The following BBS9 variants were observed in gnomAD, a reference collection of about 807,000 sequenced individuals.
The protein encoded by BBS9 is protein PTHB1.
In BBS9, 89 loss-of-function variants were observed where a neutral mutation model predicts 117.7. The observed-to-expected ratio is 0.76, with a 90% CI of 0.64 to 0.90. The LOEUF is 0.90. BBS9 is among the 40% of genes least tolerant of loss of function. The probability of loss-of-function intolerance (pLI) is 0.00; values close to 1 mark genes in which losing one functional copy is unlikely to be tolerated. For synonymous variants in BBS9, 379 were observed against 370.9 expected (o/e 1.02, Z -0.25); for missense variants, 982 against 1,042.2 (o/e 0.94, Z 0.80).
Position 33,171,407 on chromosome 7 carries a change from A to G in BBS9, c.329-6071A>G, listed in dbSNP as rs75145242. 0.018 allele frequency among the ~76,000 whole-genome samples: 2,764 copies of G among 152,306 alleles called. 236 individuals are homozygous for G. The East Asian group carries it at 0.28, about 15-fold the overall frequency. On this transcript the variant is annotated intron_variant, in intron 4 of 22. Coordinates refer to ENST00000242067, the MANE Select transcript of BBS9 (RefSeq NM_198428.3). The stretch of plus-strand genomic sequence containing the variant: ...GGGAAAACTGGCTAGCCATATGTAG[A>G]AAGCTGAAACATATCTTGCTTTTGT...
intron 4 of BBS9, among the ~76,000 whole-genome samples, chr7:33,168,783 C>T (rs572053201): frequency 6.6e-6 from 1 of 152,078 alleles, no homozygotes; most frequent in South Asian, 2.1e-4. Flanking sequence ...TTTAACTTTC[C>T]TCATGAAAAG....
chr7:33,597,533 G>T (rs1326147185), intron 21 of BBS9, among the ~76,000 whole-genome samples: 1 of 152,058 alleles, frequency 6.6e-6, no homozygotes, highest in Admixed American at 6.6e-5. Flanking sequence ...TATTACAAAG[G>T]TCACTATTGC....
At chr7:33,215,579 A>G (rs1181584224) in intron 5 of BBS9, among the ~76,000 whole-genome samples, 3 of 152,192 alleles carry the variant, frequency 2.0e-5, no homozygotes, top group Non-Finnish European at 2.9e-5. Flanking sequence ...CTGGAGAAAC[A>G]TTTTGGGAGA....
intron 19 of BBS9, among the ~76,000 whole-genome samples, chr7:33,486,621 A>G (rs1843145721): frequency 1.3e-5 from 2 of 152,194 alleles, no homozygotes; most frequent in African/African-American, 2.4e-5. Flanking sequence ...TATTTCAGCA[A>G]TGAGAGATTT....
intron 10 of BBS9, among the ~76,000 whole-genome samples, chr7:33,340,378 C>A (rs1232224041): frequency 1.3e-5 from 2 of 152,064 alleles, no homozygotes; most frequent in Non-Finnish European, 2.9e-5. Flanking sequence ...GACTTTGGGA[C>A]ATTGCATAGT....
chr7:33,345,346 C>A (rs1357361513), intron 12 of BBS9, among the ~76,000 whole-genome samples: 1 of 152,060 alleles, frequency 6.6e-6, no homozygotes. Context: ...TTTATCATGC[C>A]CAGACCTTGG....
intron 19 of BBS9, among the ~76,000 whole-genome samples, chr7:33,440,780 C>T (rs114394069): frequency 1.3e-5 from 2 of 152,134 alleles, no homozygotes; most frequent in African/African-American, 4.8e-5. Context: ...GTAGCCCAAG[C>T]TCATATGAAG....
intron 19 of BBS9, among the ~76,000 whole-genome samples, chr7:33,389,934 G>A (rs1270975283): frequency 6.6e-6 from 1 of 152,046 alleles, no homozygotes; most frequent in East Asian, 1.9e-4. Context: ...CATAATGTAT[G>A]GAATTTACAA....
chr7:33,532,329 A>C (rs1374958193), intron 20 of BBS9, among the ~76,000 whole-genome samples: 1 of 152,244 alleles, frequency 6.6e-6, no homozygotes, highest in African/African-American at 2.4e-5. Context: ...CTTAAATGCC[A>C]GTCTGACCAT....
At chr7:33,321,794 C>G (rs1327860437) in intron 9 of BBS9, among the ~76,000 whole-genome samples, 1 of 151,966 alleles carries the variant, frequency 6.6e-6, no homozygotes, top group Non-Finnish European at 1.5e-5. Context: ...TTGTCATGTT[C>G]CAGATCTTAG....
chr7:33,368,032 G>T (rs1822127183), intron 17 of BBS9, among the ~76,000 whole-genome samples, 170 bp downstream of exon 17: 1 of 152,182 alleles, frequency 6.6e-6, no homozygotes, highest in African/African-American at 2.4e-5. Context: ...AGTGAGGATT[G>T]TGTTTTATTA....
At chr7:33,438,160 C>A (rs1379543643) in intron 19 of BBS9, among the ~76,000 whole-genome samples, 4 of 152,100 alleles carry the variant, frequency 2.6e-5, no homozygotes, top group African/African-American at 9.7e-5. Flanking sequence ...GCAATTGGAT[C>A]CTTACCTCAT....
At chr7:33,308,733 C>T (rs949792670) in intron 9 of BBS9, among the ~76,000 whole-genome samples, 3 of 152,090 alleles carry the variant, frequency 2.0e-5, no homozygotes, top group African/African-American at 7.2e-5. Flanking sequence ...AATGCAAACC[C>T]ACATCAGTAC....
At chr7:33,475,102 A>G (rs1184814253) in intron 19 of BBS9, among the ~76,000 whole-genome samples, 1 of 152,204 alleles carries the variant, frequency 6.6e-6, no homozygotes, top group African/African-American at 2.4e-5. Flanking sequence ...GATTGGCTCT[A>G]GGGGTTGGCA....
chr7:33,163,667 A>G (rs6975012), intron 4 of BBS9, among the ~76,000 whole-genome samples: 81,501 of 151,482 alleles, frequency 0.54, 22,196 homozygotes, highest in East Asian at 0.67. Flanking sequence ...CTGTGAGATC[A>G]GTGGTGATAT....
At chr7:33,567,021 A>T (rs1008863046) in intron 21 of BBS9, among the ~76,000 whole-genome samples, 4 of 152,164 alleles carry the variant, frequency 2.6e-5, no homozygotes, top group African/African-American at 7.2e-5. Context: ...GGAAAGGGAG[A>T]TAGGAATGAT....
At chr7:33,333,400 G>A (rs1329897204) in intron 9 of BBS9, among the ~76,000 whole-genome samples, 1 of 151,992 alleles carries the variant, frequency 6.6e-6, no homozygotes, top group Non-Finnish European at 1.5e-5. Flanking sequence ...CCTTTTTATG[G>A]CTGAGTTGTG....
At position 33,357,838 on chromosome 7, in the gene BBS9, T is replaced by A. The variant is rs1297146159; in HGVS notation, c.1553-17T>A. 8.1e-6 allele frequency: 13 copies of A among 1,607,838 alleles called. No homozygotes were observed. Among genetic ancestry groups the A allele is most frequent in the Non-Finnish European group, 1.0e-5 (12 of 1,174,954 alleles). The stretch of plus-strand genomic sequence containing the variant: ...TTTGTCAAGTCTATGAATCTACATA[T>A]CTCTCTTTTATTTTAGGCATTCCGC... On this transcript the variant is annotated splice_polypyrimidine_tract_variant and intron_variant, in intron 15 of 22. Transcript: ENST00000242067.
chr7:33,348,509 C>G (rs759654657), intron 12 of BBS9, among the ~76,000 whole-genome samples: 2 of 152,028 alleles, frequency 1.3e-5, no homozygotes, highest in African/African-American at 4.8e-5. Context: ...TGCTTTTTGG[C>G]TATTAGCATA....
Sources: allele counts gnomAD v4.1 joint callset (sites outside exome capture counted in the v4.1 genomes callset), GRCh38; gene constraint gnomAD v4.1.1; transcripts MANE v1.5; gene names NCBI Gene and HGNC (gene_info 2026-07-23, HGNC 2026-07-21).